DDX19B: variants seen among roughly 807,000 people sequenced by gnomAD.
DDX19B encodes the protein ATP-dependent RNA helicase DDX19B.
In DDX19B, 27 loss-of-function variants were observed where a neutral mutation model predicts 58.1. The ratio of observed to expected loss-of-function variants is 0.46; its 90% CI spans 0.34 to 0.64. The LOEUF is 0.64. Ranked by LOEUF, DDX19B falls within the 30% of genes least tolerant of loss-of-function variation. The pLI is 0.01. For synonymous variants in DDX19B, 187 were observed against 214.4 expected (o/e 0.87, Z 1.12); for missense variants, 399 against 596.5 (o/e 0.67, Z 3.45).
chr16:70,326,202 G>A (rs1466312447), intron 7 of DDX19B, among the ~76,000 whole-genome samples: 2 of 152,266 alleles, frequency 1.3e-5, no homozygotes, highest in East Asian at 1.9e-4. Flanking sequence ...GGCCGGGCGC[G>A]GTGGCTCACG....
chr16:70,331,353 T>TA (rs1963470018), intron 9 of DDX19B, among the ~76,000 whole-genome samples: 1 of 152,140 alleles, frequency 6.6e-6, no homozygotes, highest in African/African-American at 2.4e-5. Flanking sequence ...GGCAAGAACA[T>TA]AGACTATTTA....
At chr16:70,292,286 G>A (rs190046677), upstream of DDX19B, among the ~76,000 whole-genome samples, 3 of 151,962 alleles carry the variant, frequency 2.0e-5, no homozygotes, top group Non-Finnish European at 2.9e-5. Context: ...GATTACAGGC[G>A]CCACCACCAC....
intron 7 of DDX19B, 66 bp from the exon 8 acceptor site, chr16:70,329,222 CAAAA>C (rs531084597): frequency 2.8e-3 from 3,433 of 1,242,506 alleles, no homozygotes; most frequent in East Asian, 4.1e-3. Flanking sequence ...GACTCTGTCT[CAAAA>C]AAAAAAAAAA....
upstream of DDX19B, among the ~76,000 whole-genome samples, chr16:70,290,875 A>G (rs1597455070): frequency 6.6e-6 from 1 of 152,212 alleles, no homozygotes; most frequent in Non-Finnish European, 1.5e-5. Context: ...ACCTGTGTCT[A>G]TTTAACTCCA....
rs535165825 is a variant in DDX19B, at chr16:70,330,828, T to G, written c.1023+760T>G. Among the ~76,000 whole-genome samples the G allele has an allele frequency of 7.2e-5, 11 of 152,112 alleles. No individual in the cohort carries two copies. In the South Asian group the frequency reaches 2.3e-3, roughly 32 times the overall value. ...AGAGGCTGAGGTGGGGGGATCTTCT[T>G]GAGCCCAGGAGTTCAAGACCAGCTT... On this transcript the variant is annotated intron_variant, in intron 9 of 11. Coordinates refer to ENST00000288071, the MANE Select transcript of DDX19B (RefSeq NM_007242.7).
chr16:70,290,889 C>T (rs1380702377), upstream of DDX19B, among the ~76,000 whole-genome samples: 1 of 152,158 alleles, frequency 6.6e-6, no homozygotes, highest in Non-Finnish European at 1.5e-5. Context: ...AACTCCAAAG[C>T]CCATGCTCTT....
At chr16:70,328,689 A>AAATAAATAAATAAATAAATAAATAAAAG in intron 7 of DDX19B, among the ~76,000 whole-genome samples, 2 of 152,034 alleles carry the variant, frequency 1.3e-5, no homozygotes, top group Middle Eastern at 6.8e-3. Flanking sequence ...AATGTACAAT[A>AAATAAATAAATAAATAAATAAATAAAAG]TATTGTTGAC....
chr16:70,290,525 C>CA (rs111776118), upstream of DDX19B, among the ~76,000 whole-genome samples: 438 of 145,660 alleles, frequency 3.0e-3, 2 homozygotes, highest in South Asian at 8.0e-3. Flanking sequence ...GACTCCGTCT[C>CA]AAAAAAAAAA....
At chr16:70,294,523 G>A (rs929346432), upstream of DDX19B, among the ~76,000 whole-genome samples, 4 of 152,306 alleles carry the variant, frequency 2.6e-5, no homozygotes, top group African/African-American at 9.6e-5. Context: ...TGACCCACGG[G>A]GGGAGATGCT....
chr16:70,313,318 A>G (rs1039483739), intron 2 of DDX19B, among the ~76,000 whole-genome samples: 8 of 151,044 alleles, frequency 5.3e-5, no homozygotes, highest in Non-Finnish European at 1.0e-4. Context: ...GTGCCCAGGT[A>G]TTTTTGTTTT....
Position 70,333,879 on chromosome 16 carries a change from G to A in DDX19B, c.*297G>A, listed in dbSNP as rs560853884. The A allele has an allele frequency of 3.1e-5, 15 of 478,544 alleles. No individual in the cohort carries two copies. The highest frequency in any genetic ancestry group is 4.9e-5 in the Non-Finnish European group (13 of 266,188). 29.6% of individuals were successfully genotyped at this position (478,544 alleles called of 1,614,324 possible). ...TTTCCTTCATGCTAATCTAGATGCT[G>A]TGGCTGATTACTTGCCCAGGATCTC... On this transcript the variant is annotated 3_prime_UTR_variant, in exon 12 of 12. Coordinates refer to ENST00000288071, the MANE Select transcript of DDX19B (RefSeq NM_007242.7).
At chr16:70,325,935 A>G (rs1228045039) in intron 7 of DDX19B, among the ~76,000 whole-genome samples, 1 of 152,204 alleles carries the variant, frequency 6.6e-6, no homozygotes, top group African/African-American at 2.4e-5. Context: ...ATACCCTTTT[A>G]TCACAACCAG....
Position 70,315,975 on chromosome 16 carries a change from G to C in DDX19B, c.167G>C (p.Arg56Thr). The stretch of plus-strand genomic sequence containing the variant: ...GCTTTCTTTTTCCTGACAGAGGACA[G>C]AGCTGCCCAGTCCTTACTCAACAAG... ...EKTDEEEKED[R>T]AAQSLLNKLI... The change falls in exon 4 of 12, where the codon AGA becomes ACA. Residue 56 changes from arginine (R) to threonine (T), a missense_variant. Transcript: ENST00000288071. 1 of 1,613,888 alleles carries C rather than the reference G, an allele frequency of 6.2e-7. No individual in the cohort carries two copies. Among genetic ancestry groups the C allele is most frequent in the Non-Finnish European group, 8.5e-7 (1 of 1,179,950 alleles).
In DDX19B at chr16:70,333,692, G is replaced by A; in HGVS notation, c.*110G>A. On this transcript the variant is annotated 3_prime_UTR_variant, in exon 12 of 12. Coordinates refer to ENST00000288071, the MANE Select transcript of DDX19B (RefSeq NM_007242.7). Reference sequence around the variant, plus strand: ...CCCCAAGGACAACGGCACAAGTAGAGAGAAACTACCTACCTCACTTCAAAT... The same window carrying A: ...CCCCAAGGACAACGGCACAAGTAGAAAGAAACTACCTACCTCACTTCAAAT... 6.6e-7 allele frequency: 1 copy of A among 1,508,462 alleles called. No individual in the cohort carries two copies. The highest frequency in any genetic ancestry group is 2.3e-5 in the East Asian group (1 of 44,372). 93.4% of individuals were successfully genotyped at this position (1,508,462 alleles called of 1,614,324 possible). A position where few individuals can be genotyped will look rare whatever the true frequency, so the allele number is the denominator to read the frequency against.
Position 70,334,914 on chromosome 16 carries a change from T to C in DDX19B, c.*1332T>C, listed in dbSNP as rs1963644424. On this transcript the variant is annotated 3_prime_UTR_variant, in exon 12 of 12. Transcript: ENST00000288071. The stretch of plus-strand genomic sequence containing the variant: ...GGAGTACTCTGCAGTTCTTTGGCTT[T>C]GGTATAGAGTGGCCACTTTCTCTAG... 6.6e-6 allele frequency: 1 copy of C among 152,212 alleles called. No individual in the cohort carries two copies. Among genetic ancestry groups the C allele is most frequent in the African/African-American group, 2.4e-5 (1 of 41,468 alleles). 9.4% of individuals were successfully genotyped at this position (152,212 alleles called of 1,614,324 possible).
chr16:70,313,903 G>A (rs1962219409), intron 2 of DDX19B, among the ~76,000 whole-genome samples: 1 of 152,002 alleles, frequency 6.6e-6, no homozygotes, highest in African/African-American at 2.4e-5. Flanking sequence ...GAGGTCAGGA[G>A]TTTGAAACCA....
intron 7 of DDX19B, among the ~76,000 whole-genome samples, chr16:70,327,086 G>A (rs1372662334): frequency 6.6e-6 from 1 of 151,582 alleles, no homozygotes; most frequent in Non-Finnish European, 1.5e-5. Context: ...CTCCCGCCTT[G>A]GCCTCCCAAA....
chr16:70,315,079 A>C, intron 3 of DDX19B, 124 bp downstream of exon 3: 1 of 1,048,718 alleles, frequency 9.5e-7, no homozygotes, highest in Non-Finnish European at 1.4e-6. Context: ...GTGCTAGCAT[A>C]AAGGTTCAAT....
chr16:70,304,799 C>G (rs1306412123), intron 1 of DDX19B, among the ~76,000 whole-genome samples: 2 of 150,618 alleles, frequency 1.3e-5, no homozygotes, highest in Admixed American at 6.6e-5. Context: ...GAGATTTTCT[C>G]AAGTACTGTC....
Sources: gnomAD v4.1 joint callset for allele counts (sites outside exome capture counted in the v4.1 genomes callset) on GRCh38, gnomAD v4.1.1 for gene constraint, MANE v1.5 for transcripts, NCBI Gene and HGNC (gene_info 2026-07-23, HGNC 2026-07-21) for gene names.